The following SNRNP200 variants were observed in gnomAD, a reference collection of about 807,000 sequenced individuals.
SNRNP200 encodes small nuclear ribonucleoprotein U5 subunit 200.
A neutral mutation model predicts 255.2 loss-of-function variants in SNRNP200; 66 were observed. The observed-to-expected ratio is 0.26, with a 90% CI of 0.21 to 0.32. The LOEUF (loss-of-function observed/expected upper bound fraction) is 0.32, where lower values mean the gene tolerates loss of function less well. Among genes scored for constraint, SNRNP200 ranks in the 10% least tolerant of loss-of-function variants. The pLI is 1.00. For missense variants in SNRNP200, 1,585 were observed against 2,749.8 expected, an observed-to-expected ratio of 0.58 and a Z score of 9.47; for synonymous variants, 939 against 1,027.8, an observed-to-expected ratio of 0.91 and a Z score of 1.65.
At chr2:96,285,072 C>A (rs760614779) in intron 30 of SNRNP200, 108 bp downstream of exon 30, 229 of 1,368,206 alleles carry the variant, frequency 1.7e-4, no homozygotes, top group Non-Finnish European at 2.3e-4. Flanking sequence ...CTTTAATACA[C>A]AAACTGAGGA....
At chr2:96,295,162 T>C (rs1272771654) in intron 14 of SNRNP200, among the ~76,000 whole-genome samples, 1 of 152,152 alleles carries the variant, frequency 6.6e-6, no homozygotes, top group African/African-American at 2.4e-5. Context: ...TGAGCCAAGA[T>C]CGTGCCACTG....
chr2:96,285,540 A>G (rs1343008815), intron 29 of SNRNP200, among the ~76,000 whole-genome samples, 200 bp from the exon 30 acceptor site: 4 of 152,224 alleles, frequency 2.6e-5, no homozygotes, highest in Admixed American at 6.5e-5. Context: ...CCCACTTAAC[A>G]GTTAAAGGGG....
At chr2:96,282,998 C>A (rs2063814074) in intron 34 of SNRNP200, 2 of 671,820 alleles carry the variant, frequency 3.0e-6, no homozygotes. Context: ...TGTTTTCTCA[C>A]CTGGCAAGTA....
rs980637378 is a variant in SNRNP200, at chr2:96,291,177, A to G, written c.2421+215T>C. On this transcript the variant is annotated intron_variant, in intron 18 of 44. Transcript: ENST00000323853. This position sits in a 1 kb window ranked among gnomAD's most constrained non-coding sequence, Gnocchi z 4.2. ...CTGAAGTCACCAAAGTGCTTGCTTCACTATGCTTCTCAGACTATCCTAAAC... is the reference window on the plus strand; with the variant it reads ...CTGAAGTCACCAAAGTGCTTGCTTCGCTATGCTTCTCAGACTATCCTAAAC... Among the ~76,000 whole-genome samples the G allele has an allele frequency of 2.0e-5, 3 of 152,148 alleles. No homozygotes were observed. The highest frequency in any genetic ancestry group is 7.2e-5 in the African/African-American group (3 of 41,428).
rs778870456 is a variant in SNRNP200 at position 96,283,764 on chromosome 2, T to G, written c.4584+49A>C. ...ACCAAGGTTATCAGACCTGGGTCAC[T>G]CAGGATCTATGTGACACCCCACAGA... On this transcript the variant is annotated intron_variant, in intron 32 of 44. Coordinates refer to ENST00000323853, the MANE Select transcript of SNRNP200 (RefSeq NM_014014.5). The surrounding 1 kb of genome is among the most constrained non-coding windows in gnomAD (Gnocchi z 4.7). 1.2e-6 allele frequency: 2 copies of G among 1,613,760 alleles called. No homozygotes were observed. The highest frequency in any genetic ancestry group is 4.5e-5 in the East Asian group (2 of 44,888).
At position 96,301,151 on chromosome 2, in the gene SNRNP200, AG is replaced by A. The variant is rs545865095; in HGVS notation, c.575-99del. 165 of 1,007,728 alleles carry A rather than the reference AG, an allele frequency of 1.6e-4. No individual in the cohort carries two copies. The South Asian group carries it at 2.1e-3, about 13-fold the overall frequency. The allele number at this position is 1,007,728 out of a possible 1,614,324, so 62.4% of individuals were successfully genotyped here. A position where few individuals can be genotyped will look rare whatever the true frequency, so the allele number is the denominator to read the frequency against. Reference sequence around the variant, plus strand: ...CTCCCCGACTACCTCTCCTCAGGAAAGATCTAAGTGCTAAGGACACATACAG... The same window carrying A: ...CTCCCCGACTACCTCTCCTCAGGAAAATCTAAGTGCTAAGGACACATACAG... On this transcript the variant is annotated intron_variant, in intron 4 of 44. Transcript: ENST00000323853.
In SNRNP200 at chr2:96,298,964, C is replaced by A; in HGVS notation, c.733G>T (p.Val245Leu). The A allele has an allele frequency of 6.2e-7, 1 of 1,614,080 alleles. No individual in the cohort carries two copies. The highest frequency in any genetic ancestry group is 8.5e-7 in the Non-Finnish European group (1 of 1,180,032). Residue 245 changes from valine to leucine, a missense_variant, in exon 7 of 45, where the codon GTA becomes TTA. Val to Leu is a conservative substitution (Grantham distance 32). Around this residue, in one of 9 missense-constraint regions of SNRNP200, gnomAD observed 383 missense variants for 645.3 expected, o/e 0.59. Coordinates refer to ENST00000323853, the MANE Select transcript of SNRNP200 (RefSeq NM_014014.5). ...GAACTCATCAGTTCACCTGAGGCTA[C>A]GAGCTATAAAAGTAACCAGGCATTT... ...VVRCTLSANL[V>L]ASGELMSSKK...
rs956273574 is a variant in SNRNP200 at position 96,291,017 on chromosome 2, T to C, written c.2422-202A>G. Among the ~76,000 whole-genome samples, 2 of 152,172 alleles carry C rather than the reference T, an allele frequency of 1.3e-5. No individual in the cohort carries two copies. Among genetic ancestry groups the C allele is most frequent in the Admixed American group, 1.3e-4 (2 of 15,286 alleles). On this transcript the variant is annotated intron_variant, in intron 18 of 44. Transcript: ENST00000323853. The surrounding 1 kb of genome is among the most constrained non-coding windows in gnomAD (Gnocchi z 4.2). ...CCTCATCTATTCAGTAATGAACATT[T>C]CAAGGTTCCAGAGGCACAAGTGCAG...
In SNRNP200 at chr2:96,289,805, G is replaced by T; in HGVS notation, c.2934C>A (p.Asn978Lys). ...AAACCCTCACCCCACGCACCTGGAA[G>T]TTGCCCGTCTTCTTGTCGTACTTGA... is the stretch of plus-strand genomic sequence containing the variant. ...NLVKYDKKTGNFQVTELGRIA... is the reference protein window; with the variant it reads ...NLVKYDKKTGKFQVTELGRIA... The change falls in exon 21 of 45, where the codon AAC (asparagine) becomes AAA (lysine). Residue 978 changes from asparagine to lysine, a missense_variant. Physicochemically the swap from Asn to Lys is moderately conservative, Grantham distance 94. This residue lies in a region of SNRNP200 where 719 missense variants were observed against 1,091.1 expected (regional missense o/e 0.66). Coordinates refer to ENST00000323853, the MANE Select transcript of SNRNP200 (RefSeq NM_014014.5). 6.2e-7 allele frequency: 1 copy of T among 1,614,072 alleles called. No homozygotes were observed. The highest frequency in any genetic ancestry group is 8.5e-7 in the Non-Finnish European group (1 of 1,180,026).
Position 96,275,166 on chromosome 2 carries a change from C to G in SNRNP200, c.6268-11G>C. ...AAAGTCCAACTTCACCTAGAAAGAGCAGGCAGAAATCAAGATGAGCATGGA... is the reference window on the plus strand; with the variant it reads ...AAAGTCCAACTTCACCTAGAAAGAGGAGGCAGAAATCAAGATGAGCATGGA... On this transcript the variant is annotated splice_polypyrimidine_tract_variant and intron_variant, in intron 44 of 44. Transcript: ENST00000323853. 6.2e-7 allele frequency: 1 copy of G among 1,614,250 alleles called. No homozygotes were observed. The highest frequency in any genetic ancestry group is 8.5e-7 in the Non-Finnish European group (1 of 1,180,042).
intron 4 of SNRNP200, 38 bp downstream of exon 4, chr2:96,301,486 A>G (rs745903328): frequency 6.2e-7 from 1 of 1,604,150 alleles, no homozygotes; most frequent in Non-Finnish European, 8.5e-7. Flanking sequence ...GTCAACAACA[A>G]CCAATGAACA....
At chr2:96,293,975 C>CAAT (rs1379637999) in intron 14 of SNRNP200, among the ~76,000 whole-genome samples, 1 of 152,134 alleles carries the variant, frequency 6.6e-6, no homozygotes, top group Non-Finnish European at 1.5e-5. Flanking sequence ...AGATTGTATT[C>CAAT]AGCAGGTGTG....
Position 96,276,982 on chromosome 2 carries a change from G to T in SNRNP200, c.6096C>A (p.Gly2032=), listed in dbSNP as rs377631478. 1.2e-6 allele frequency: 2 copies of T among 1,614,054 alleles called. No homozygotes were observed. The highest frequency in any genetic ancestry group is 2.2e-5 in the South Asian group (2 of 91,080). ...GCTGCACCAGCACCACAACTGGCCC[G>T]CCACTGCAGGGGGAGAGGAGGGGCG... ...EVVDKDSIRS[G]GPVVVLVQLE... Residue 2032 remains glycine (G), a synonymous_variant, in exon 43 of 45, where the codon GGC becomes GGA. Coordinates refer to ENST00000323853, the MANE Select transcript of SNRNP200 (RefSeq NM_014014.5).
rs201102896 is a variant in SNRNP200 at position 96,279,422 on chromosome 2, C to G, written c.5133+29G>C. The G allele has an allele frequency of 1.7e-3, 2,334 of 1,405,864 alleles. 10 individuals are homozygous for G. Among genetic ancestry groups the G allele is most frequent in the Middle Eastern group, 9.1e-3 (52 of 5,686 alleles). The allele number at this position is 1,405,864 out of a possible 1,614,324, so 87.1% of individuals were successfully genotyped here. ...AAGAATCCATTCTGAGGCTACGGAT[C>G]CAAGAGGCTCCATGAGTCTAGGACT... On this transcript the variant is annotated intron_variant, in intron 36 of 44. Coordinates refer to ENST00000323853, the MANE Select transcript of SNRNP200 (RefSeq NM_014014.5).
chr2:96,292,011 G>A (rs1334041928), intron 16 of SNRNP200, 111 bp from the exon 17 acceptor site: 1 of 1,215,932 alleles, frequency 8.2e-7, no homozygotes, highest in Non-Finnish European at 1.2e-6. Context: ...GTCCTGGAGA[G>A]GGGCAAGGGC....
chr2:96,291,931 C>T lies in SNRNP200; in HGVS notation c.2161-31G>A, dbSNP rs778649392. The T allele has an allele frequency of 2.5e-6, 4 of 1,611,888 alleles. No individual in the cohort carries two copies. The highest frequency in any genetic ancestry group is 3.4e-6 in the Non-Finnish European group (4 of 1,179,902). The stretch of plus-strand genomic sequence containing the variant: ...GAGAAGCCACAGTTTGCTACAGTCA[C>T]GAGATACTCACAGCCCCAGGGCACC... On this transcript the variant is annotated intron_variant, in intron 16 of 44. Transcript: ENST00000323853. The surrounding 1 kb of genome is among the most constrained non-coding windows in gnomAD (Gnocchi z 4.2).
Position 96,287,624 on chromosome 2 carries a change from G to T in SNRNP200, c.3366-67C>A. On this transcript the variant is annotated intron_variant, in intron 25 of 44. Transcript: ENST00000323853. This position sits in a 1 kb window ranked among gnomAD's most constrained non-coding sequence, Gnocchi z 5.7. ...GATGTGACAAACCACCCACTTCATG[G>T]CTTCCAATAGTTTAGCAGTGACTAC... 2 of 1,186,464 alleles carry T rather than the reference G, an allele frequency of 1.7e-6. No individual in the cohort carries two copies. Among genetic ancestry groups the T allele is most frequent in the Non-Finnish European group, 2.5e-6 (2 of 790,218 alleles). The allele number at this position is 1,186,464 out of a possible 1,614,324, so 73.5% of individuals were successfully genotyped here. A position where few individuals can be genotyped will look rare whatever the true frequency, so the allele number is the denominator to read the frequency against.
At chr2:96,294,777 A>G (rs1168506986) in intron 14 of SNRNP200, among the ~76,000 whole-genome samples, 1 of 152,212 alleles carries the variant, frequency 6.6e-6, no homozygotes, top group Non-Finnish European at 1.5e-5. Context: ...TTACTTATAA[A>G]ACCCTAAATG....
intron 34 of SNRNP200, chr2:96,282,871 G>T: frequency 2.4e-6 from 1 of 419,980 alleles, no homozygotes; most frequent in East Asian, 5.3e-5. Flanking sequence ...AGCAATACAA[G>T]AACGGACTAA....
Sources: gnomAD v4.1 joint callset for allele counts (sites outside exome capture counted in the v4.1 genomes callset) on GRCh38, gnomAD v4.1.1 for gene constraint, gnomAD v4.1.1 regional missense constraint, Gnocchi (gnomAD v3.1) non-coding constraint, MANE v1.5 for transcripts, NCBI Gene and HGNC (gene_info 2026-07-23, HGNC 2026-07-21) for gene names.